The following ZNF674 variants were observed in gnomAD, a reference collection of about 807,000 sequenced individuals.
ZNF674 encodes zinc finger family member 674.
Under a neutral mutation model 7.0 loss-of-function variants are expected in ZNF674, and 2 were observed. The observed-to-expected ratio is 0.29, with a 90% CI of 0.12 to 0.90. The LOEUF is 0.90. ZNF674 is among the 40% of genes least tolerant of loss of function. ZNF674 has a pLI of 0.57. For synonymous variants in ZNF674, 103 were observed against 145.2 expected (o/e 0.71, Z 2.09); for missense variants, 297 against 415.5 (o/e 0.71, Z 2.48).
intron 5 of ZNF674, among the ~76,000 whole-genome samples, chrX:46,520,340 A>G (rs1941884515): frequency 9.0e-6 from 1 of 111,494 alleles, no homozygotes; most frequent in African/African-American, 3.3e-5. Context: ...CAGAGGTTGC[A>G]GTGAGACCAG....
intron 3 of ZNF674, among the ~76,000 whole-genome samples, chrX:46,530,728 T>C (rs1201724282): frequency 8.8e-6 from 1 of 113,339 alleles, no homozygotes; most frequent in Non-Finnish European, 1.9e-5. Context: ...GTCTTTTATA[T>C]GCTAATGAGA....
intron 3 of ZNF674, among the ~76,000 whole-genome samples, chrX:46,536,927 G>A (rs1001859259): frequency 2.7e-5 from 3 of 112,045 alleles, no homozygotes; most frequent in African/African-American, 3.2e-5. Context: ...GGACTAGAGC[G>A]TAGTTAAATA....
At chrX:46,541,889 G>A (rs1280617057) in intron 3 of ZNF674, among the ~76,000 whole-genome samples, 184 bp downstream of exon 3, 2 of 111,905 alleles carry the variant, frequency 1.8e-5, no homozygotes. Flanking sequence ...AGTAGAGAGA[G>A]GTATCTTTTT....
chrX:46,499,939 C>T lies in ZNF674; in HGVS notation c.1635G>A (p.Glu545=), dbSNP rs1941381571. The T allele has an allele frequency of 8.4e-7, 1 of 1,191,231 alleles. No homozygotes were observed. Among genetic ancestry groups the T allele is most frequent in the East Asian group, 3.0e-5 (1 of 33,563 alleles). ...CACAGTCTCTGCATTCATAAGGTTT[C>T]TCTCCTGTATGAGTTCTGTGATGCA... ...LIVHHRTHTG[E]KPYECRDCGK... The change falls in exon 6 of 6, where the codon GAG becomes GAA. Residue 545 remains glutamate (E), a synonymous_variant. Transcript: ENST00000683375.
chrX:46,500,682 T>C lies in ZNF674; in HGVS notation c.892A>G (p.Thr298Ala), dbSNP rs749081744. The C allele has an allele frequency of 4.3e-5, 52 of 1,210,631 alleles. No homozygotes were observed. The Admixed American group carries it at 1.1e-3, about 26-fold the overall frequency. The change falls in exon 6 of 6, where the codon ACA (threonine) becomes GCA (alanine). Residue 298 changes from threonine (T) to alanine (A), a missense_variant. Physicochemically the swap from Thr to Ala is moderately conservative, Grantham distance 58. Coordinates refer to ENST00000683375, the MANE Select transcript of ZNF674 (RefSeq NM_001190417.2). ...STLIKHQRTH[T>A]GEKPFVCDKC... is the part of the protein sequence containing the mutation. ...TCACATACAAATGGTTTCTCTCCTGTATGAGTTCGTTGATGTTTAATCAGA... is the reference window on the plus strand; with the variant it reads ...TCACATACAAATGGTTTCTCTCCTGCATGAGTTCGTTGATGTTTAATCAGA...
At chrX:46,521,293 G>C (rs985162544) in intron 5 of ZNF674, among the ~76,000 whole-genome samples, 4 of 110,788 alleles carry the variant, frequency 3.6e-5, no homozygotes, top group African/African-American at 1.3e-4. Flanking sequence ...CGAAAATAGT[G>C]CCACTAGGCA....
chrX:46,521,283 C>A (rs1025435051), intron 5 of ZNF674, among the ~76,000 whole-genome samples: 2 of 110,332 alleles, frequency 1.8e-5, no homozygotes, highest in East Asian at 2.9e-4. Flanking sequence ...TGTACTCTAC[C>A]GAAAATAGTG....
chrX:46,517,790 A>T (rs1941795218), intron 5 of ZNF674: 1 of 111,894 alleles, frequency 8.9e-6, no homozygotes, highest in East Asian at 2.8e-4. Flanking sequence ...CATATACTAA[A>T]ATTGGAACAA....
chrX:46,511,480 T>C (rs1303557274), intron 5 of ZNF674, among the ~76,000 whole-genome samples: 1 of 111,590 alleles, frequency 9.0e-6, no homozygotes, highest in Admixed American at 9.6e-5. Context: ...GAGAAAAAAT[T>C]TGAAACATTA....
rs28378275 is a variant in ZNF674 at position 46,504,516 on chromosome X, T to C, written c.239-3181A>G. Reference sequence around the variant, plus strand: ...TGCTACCACGCCTGGCTAATTTTTGTATTTTTAGTAGAGACGGGATTTCAC... The same window carrying C: ...TGCTACCACGCCTGGCTAATTTTTGCATTTTTAGTAGAGACGGGATTTCAC... On this transcript the variant is annotated intron_variant, in intron 5 of 5. Coordinates refer to ENST00000683375, the MANE Select transcript of ZNF674 (RefSeq NM_001190417.2). 3.1e-3 allele frequency among the ~76,000 whole-genome samples: 338 copies of C among 110,547 alleles called. 2 individuals carry two copies. Among genetic ancestry groups the C allele is most frequent in the African/African-American group, 0.011 (320 of 30,403 alleles).
chrX:46,502,675 T>C (rs1270361620), intron 5 of ZNF674, among the ~76,000 whole-genome samples: 5 of 111,965 alleles, frequency 4.5e-5, no homozygotes, highest in African/African-American at 1.6e-4. Context: ...ATCACACATG[T>C]TGGTGCATCT....
chrX:46,508,377 AC>A (rs1941581034), intron 5 of ZNF674, among the ~76,000 whole-genome samples: 1 of 112,300 alleles, frequency 8.9e-6, no homozygotes, highest in South Asian at 3.6e-4. Context: ...AGAAGAAAGT[AC>A]AAAAAAAGAA....
At chrX:46,512,715 G>A (rs370516803) in intron 5 of ZNF674, among the ~76,000 whole-genome samples, 1 of 105,166 alleles carries the variant, frequency 9.5e-6, no homozygotes, top group South Asian at 4.2e-4. Context: ...AGTGAGCCGA[G>A]ATGGCACCAC....
intron 5 of ZNF674, among the ~76,000 whole-genome samples, chrX:46,508,349 C>T (rs1215914872): frequency 9.0e-6 from 1 of 111,455 alleles, no homozygotes; most frequent in African/African-American, 3.3e-5. Flanking sequence ...CTAGTATAAC[C>T]TTGGATACCA....
intron 5 of ZNF674, among the ~76,000 whole-genome samples, chrX:46,524,140 A>G (rs1407875619): frequency 8.9e-6 from 1 of 112,095 alleles, no homozygotes; most frequent in African/African-American, 3.2e-5. Flanking sequence ...ACATTTAAGA[A>G]ATAATGCTAG....
chrX:46,538,342 C>A (rs1310585050), intron 3 of ZNF674, among the ~76,000 whole-genome samples: 3 of 111,340 alleles, frequency 2.7e-5, no homozygotes, highest in African/African-American at 9.8e-5. Flanking sequence ...TAAAAGAAAT[C>A]TAGAAGTCAC....
intron 5 of ZNF674, among the ~76,000 whole-genome samples, chrX:46,520,057 T>C (rs1234944778): frequency 1.8e-5 from 2 of 111,983 alleles, no homozygotes; most frequent in South Asian, 3.6e-4. Flanking sequence ...AACATATTAG[T>C]AGTTACCAGG....
chrX:46,507,994 A>C (rs2146592474), intron 5 of ZNF674, among the ~76,000 whole-genome samples: 1 of 111,277 alleles, frequency 9.0e-6, no homozygotes, highest in African/African-American at 3.3e-5. Flanking sequence ...CTTTCTTTAC[A>C]GTTTCACCAC....
intron 5 of ZNF674, among the ~76,000 whole-genome samples, chrX:46,504,501 C>A (rs1441793973): frequency 2.7e-5 from 3 of 110,365 alleles, no homozygotes; most frequent in Non-Finnish European, 5.7e-5. Context: ...TGCTACCACG[C>A]CTGGCTAATT....
Sources: allele counts gnomAD v4.1 joint callset (sites outside exome capture counted in the v4.1 genomes callset), GRCh38; gene constraint gnomAD v4.1.1; transcripts MANE v1.5; gene names NCBI Gene and HGNC (gene_info 2026-07-23, HGNC 2026-07-21).